The following KCNIP4 variants were observed in gnomAD, a reference collection of about 807,000 sequenced individuals.
KCNIP4 encodes potassium voltage-gated channel interacting protein 4, also known as Kv channel-interacting protein 4.
Under a neutral mutation model 34.0 loss-of-function variants are expected in KCNIP4, and 12 were observed. That is an observed-to-expected ratio of 0.35 (90% CI 0.23 to 0.57). KCNIP4 has a LOEUF of 0.57. KCNIP4 is among the 20% of genes least tolerant of loss of function. The probability of loss-of-function intolerance (pLI) is 0.83; values close to 1 mark genes in which losing one functional copy is unlikely to be tolerated. For missense variants in KCNIP4, 238 were observed against 311.7 expected, an observed-to-expected ratio of 0.76 and a Z score of 1.78; for synonymous variants, 124 against 102.2, an observed-to-expected ratio of 1.21 and a Z score of -1.29.
At chr4:20,929,480 C>G (rs1228790371) in intron 1 of KCNIP4, among the ~76,000 whole-genome samples, 1 of 152,020 alleles carries the variant, frequency 6.6e-6, no homozygotes, top group Non-Finnish European at 1.5e-5. Flanking sequence ...CAGTGCAAAG[C>G]ACAAATGCCC....
chr4:21,147,542 C>A (rs1577783739), intron 1 of KCNIP4, among the ~76,000 whole-genome samples: 1 of 152,190 alleles, frequency 6.6e-6, no homozygotes, highest in African/African-American at 2.4e-5. Context: ...TATTATTTTT[C>A]TTTATTATCA....
chr4:21,077,192 C>T (rs1056692099), intron 1 of KCNIP4, among the ~76,000 whole-genome samples: 10 of 151,808 alleles, frequency 6.6e-5, no homozygotes, highest in South Asian at 6.2e-4. Context: ...GGTTTTATTG[C>T]TCCATTTATT....
chr4:21,480,175 C>A (rs1245238420), intron 1 of KCNIP4, among the ~76,000 whole-genome samples: 1 of 151,656 alleles, frequency 6.6e-6, no homozygotes, highest in African/African-American at 2.4e-5. Context: ...CCTAAAAAGT[C>A]AAATAAAATT....
chr4:20,932,538 ATAAG>A (rs1730588099), intron 1 of KCNIP4, among the ~76,000 whole-genome samples: 1 of 152,030 alleles, frequency 6.6e-6, no homozygotes, highest in Non-Finnish European at 1.5e-5. Context: ...TTTTTGTTAA[ATAAG>A]TAGATTTTAA....
At chr4:20,998,529 C>T (rs1737777120) in intron 1 of KCNIP4, among the ~76,000 whole-genome samples, 1 of 152,174 alleles carries the variant, frequency 6.6e-6, no homozygotes, top group African/African-American at 2.4e-5. Context: ...CTAGACTTTG[C>T]TTTTACATTA....
intron 1 of KCNIP4, among the ~76,000 whole-genome samples, chr4:21,614,799 G>C (rs190249536): frequency 1.3e-5 from 2 of 152,110 alleles, no homozygotes; most frequent in East Asian, 1.9e-4. Flanking sequence ...TCAGGAATCC[G>C]TTTTAGGACA....
chr4:20,850,635 C>A lies in KCNIP4; in HGVS notation c.196G>T (p.Val66Phe). The part of the protein sequence containing the change: ...SVEDELEMAT[V>F]RHRPEALELL... ...TCAAGGGCTTCAGGCCGATGCCTGA[C>A]GGTGGCCATCTCCAGTTCATCTTCC... The change falls in exon 3 of 9, where the codon GTC (valine) becomes TTC (phenylalanine). Residue 66 changes from valine to phenylalanine, a missense_variant. Val to Phe is a conservative substitution (Grantham distance 50, BLOSUM62 -1). Coordinates refer to ENST00000382152, the MANE Select transcript of KCNIP4 (RefSeq NM_025221.6). 6.2e-7 allele frequency: 1 copy of A among 1,612,356 alleles called. No individual in the cohort carries two copies. The highest frequency in any genetic ancestry group is 2.2e-5 in the East Asian group (1 of 44,774).
At chr4:21,226,532 G>T (rs1413684424) in intron 1 of KCNIP4, among the ~76,000 whole-genome samples, 1 of 152,036 alleles carries the variant, frequency 6.6e-6, no homozygotes, top group Non-Finnish European at 1.5e-5. Context: ...TATTGTAAAG[G>T]ATGCTTTATT....
At chr4:21,105,555 A>C (rs1577699366) in intron 1 of KCNIP4, among the ~76,000 whole-genome samples, 1 of 151,578 alleles carries the variant, frequency 6.6e-6, no homozygotes, top group Non-Finnish European at 1.5e-5. Flanking sequence ...GGACAACTTG[A>C]CTTCCTCTTT....
chr4:20,802,104 T>C (rs1221811621), intron 3 of KCNIP4, among the ~76,000 whole-genome samples: 2 of 122,366 alleles, frequency 1.6e-5, no homozygotes, highest in Admixed American at 1.5e-4. Flanking sequence ...ATATTGCATA[T>C]ATATATGCTA....
intron 1 of KCNIP4, among the ~76,000 whole-genome samples, chr4:21,632,076 T>G (rs1479286598): frequency 6.6e-6 from 1 of 152,202 alleles, no homozygotes; most frequent in African/African-American, 2.4e-5. Context: ...ATTTTACCTT[T>G]TTTTCCTTTT....
chr4:20,812,051 T>TA (rs1263098610), intron 3 of KCNIP4, among the ~76,000 whole-genome samples: 3 of 152,196 alleles, frequency 2.0e-5, no homozygotes, highest in African/African-American at 7.2e-5. Flanking sequence ...TCTACAGACT[T>TA]ACATAAATGA....
At chr4:21,143,243 C>T (rs1752100235) in intron 1 of KCNIP4, among the ~76,000 whole-genome samples, 1 of 152,170 alleles carries the variant, frequency 6.6e-6, no homozygotes, top group African/African-American at 2.4e-5. Context: ...CAGAGAACTT[C>T]GTCCACTGGT....
At chr4:21,361,034 GTCATCATCATCA>G (rs34267897) in intron 1 of KCNIP4, among the ~76,000 whole-genome samples, 2 of 151,540 alleles carry the variant, frequency 1.3e-5, no homozygotes, top group African/African-American at 2.4e-5. Context: ...CATCATTATC[GTCATCATCATCA>G]TCATCATCAT....
intron 1 of KCNIP4, among the ~76,000 whole-genome samples, chr4:21,394,204 T>G (rs1722784045): frequency 1.3e-5 from 2 of 152,186 alleles, no homozygotes; most frequent in South Asian, 4.1e-4. Context: ...ATCATTTGCA[T>G]AAAGGCAATG....
intron 1 of KCNIP4, among the ~76,000 whole-genome samples, chr4:21,901,927 A>T (rs1006124080): frequency 3.9e-5 from 6 of 152,178 alleles, no homozygotes; most frequent in African/African-American, 1.4e-4. Flanking sequence ...ACCTTCAAAA[A>T]GTGTCATGGA....
intron 1 of KCNIP4, among the ~76,000 whole-genome samples, chr4:21,078,005 G>A (rs1745652905): frequency 6.6e-6 from 1 of 151,988 alleles, no homozygotes; most frequent in Admixed American, 6.6e-5. Flanking sequence ...TCATTATCAG[G>A]GCTTCTGGAG....
In KCNIP4 at chr4:20,815,671, T is replaced by A. The variant is rs190060498; in HGVS notation, c.288+34872A>T. Among the ~76,000 whole-genome samples, 5 of 152,288 alleles carry A rather than the reference T, an allele frequency of 3.3e-5. No homozygotes were observed. The East Asian group carries it at 9.6e-4, about 29-fold the overall frequency. ...TCTTGCAAAGTTCCAGCTCTTTTCA[T>A]CAAAACCAATTATGTATGAAATGTT... On this transcript the variant is annotated intron_variant, in intron 3 of 8. Transcript: ENST00000382152.
intron 1 of KCNIP4, among the ~76,000 whole-genome samples, chr4:20,935,193 T>C (rs569278636): frequency 2.6e-5 from 4 of 152,326 alleles, no homozygotes; most frequent in East Asian, 3.9e-4. Context: ...TGGATGAACA[T>C]ACATTTTTGA....
Sources: allele counts gnomAD v4.1 joint callset (sites outside exome capture counted in the v4.1 genomes callset), GRCh38; gene constraint gnomAD v4.1.1; transcripts MANE v1.5; gene names NCBI Gene and HGNC (gene_info 2026-07-23, HGNC 2026-07-21).